NETO1: variants seen among roughly 807,000 people sequenced by gnomAD.
NETO1 encodes the protein neuropilin and tolloid-like protein 1.
NETO1 carries 26 observed loss-of-function variants against 61.3 expected under a neutral mutation model. The ratio of observed to expected loss-of-function variants is 0.42; its 90% confidence interval spans 0.31 to 0.59. The LOEUF (loss-of-function observed/expected upper bound fraction) is 0.59, where lower values mean the gene tolerates loss of function less well. NETO1 is among the 20% of genes least tolerant of loss of function. The pLI is 0.12. For missense variants in NETO1, 531 were observed against 662.8 expected, an observed-to-expected ratio of 0.80 and a Z score of 2.18; for synonymous variants, 225 against 225.8, an observed-to-expected ratio of 1.00 and a Z score of 0.03.
intron 7 of NETO1, among the ~76,000 whole-genome samples, chr18:72,777,419 GA>G (rs35895540): frequency 0.32 from 32,669 of 101,474 alleles, 4,835 homozygotes; most frequent in South Asian, 0.48. Context: ...AACTCCATCT[GA>G]AAAAAAAAAA....
At chr18:72,841,229 A>G (rs1221233988) in intron 4 of NETO1, among the ~76,000 whole-genome samples, 1 of 152,158 alleles carries the variant, frequency 6.6e-6, no homozygotes, top group Non-Finnish European at 1.5e-5. Flanking sequence ...CAAAATTTGC[A>G]TTGTGGATCA....
chr18:72,825,467 TATTA>T (rs1381077813), intron 4 of NETO1, among the ~76,000 whole-genome samples: 2 of 152,164 alleles, frequency 1.3e-5, no homozygotes, highest in Non-Finnish European at 2.9e-5. Flanking sequence ...GATCAATTTT[TATTA>T]ATTCTTTTCA....
chr18:72,853,979 G>A (rs1157174700), intron 4 of NETO1, among the ~76,000 whole-genome samples: 3 of 152,168 alleles, frequency 2.0e-5, no homozygotes, highest in Admixed American at 1.3e-4. Flanking sequence ...CTGATCCAAA[G>A]AGGAAAAATA....
At chr18:72,807,795 G>A (rs2072727415) in intron 4 of NETO1, among the ~76,000 whole-genome samples, 1 of 151,490 alleles carries the variant, frequency 6.6e-6, no homozygotes, top group Non-Finnish European at 1.5e-5. Flanking sequence ...ATTTGAATTA[G>A]CTGTCATAGA....
intron 6 of NETO1, among the ~76,000 whole-genome samples, chr18:72,788,896 G>A (rs1419506965): frequency 2.6e-5 from 4 of 152,016 alleles, no homozygotes; most frequent in African/African-American, 9.7e-5. Flanking sequence ...ATGATATACA[G>A]AAAATAGACA....
chr18:72,843,367 C>T (rs751795289), intron 4 of NETO1, among the ~76,000 whole-genome samples: 1 of 152,176 alleles, frequency 6.6e-6, no homozygotes, highest in Non-Finnish European at 1.5e-5. Flanking sequence ...ACTCTTTTCT[C>T]TACCACCCTC....
At chr18:72,824,974 T>G (rs2073329333) in intron 4 of NETO1, among the ~76,000 whole-genome samples, 1 of 152,088 alleles carries the variant, frequency 6.6e-6, no homozygotes, top group Admixed American at 6.6e-5. Context: ...CAAGAAAAGT[T>G]ATTAACTATT....
intron 4 of NETO1, among the ~76,000 whole-genome samples, chr18:72,810,216 T>C (rs1170120262): frequency 6.6e-6 from 1 of 152,206 alleles, no homozygotes; most frequent in Non-Finnish European, 1.5e-5. Context: ...ATTTCTTGTA[T>C]TTGTCTCCTT....
intron 4 of NETO1, among the ~76,000 whole-genome samples, chr18:72,843,243 T>C (rs1289033442): frequency 2.0e-5 from 3 of 152,216 alleles, no homozygotes; most frequent in Admixed American, 1.3e-4. Flanking sequence ...TTTACTGTGC[T>C]ATGGCTTGCA....
intron 4 of NETO1, among the ~76,000 whole-genome samples, chr18:72,857,704 G>A (rs934996991): frequency 1.3e-5 from 2 of 152,038 alleles, no homozygotes; most frequent in African/African-American, 4.8e-5. Flanking sequence ...AAATTAGTTC[G>A]ACTGTAGCAC....
At chr18:72,777,412 T>C (rs1413105764) in intron 7 of NETO1, among the ~76,000 whole-genome samples, 20 of 80,940 alleles carry the variant, frequency 2.5e-4, no homozygotes, top group Admixed American at 4.9e-4. Context: ...AGAGCGAAAC[T>C]CCATCTGAAA....
chr18:72,785,887 C>T (rs1263402100), intron 6 of NETO1, among the ~76,000 whole-genome samples: 1 of 152,160 alleles, frequency 6.6e-6, no homozygotes, highest in Non-Finnish European at 1.5e-5. Context: ...TTCACTGCTC[C>T]CACTCCCCAA....
intron 7 of NETO1, among the ~76,000 whole-genome samples, chr18:72,762,841 TAAGC>T (rs1244308061): frequency 6.6e-6 from 1 of 152,158 alleles, no homozygotes; most frequent in Non-Finnish European, 1.5e-5. Flanking sequence ...ATTCTTTAAA[TAAGC>T]AAATTATGTA....
intron 6 of NETO1, among the ~76,000 whole-genome samples, chr18:72,792,989 G>C (rs1016651692): frequency 2.0e-5 from 3 of 151,954 alleles, no homozygotes; most frequent in Non-Finnish European, 4.4e-5. Context: ...TCCCCTACCT[G>C]GTGTAAGGGG....
intron 4 of NETO1, among the ~76,000 whole-genome samples, chr18:72,801,735 TTATC>T (rs573980233): frequency 1.1e-3 from 167 of 152,346 alleles, no homozygotes; most frequent in Middle Eastern, 6.8e-3. Flanking sequence ...ATCTATTTAC[TTATC>T]TATCTAATTT....
intron 7 of NETO1, among the ~76,000 whole-genome samples, chr18:72,776,565 G>A (rs1037797564): frequency 1.3e-5 from 2 of 152,196 alleles, no homozygotes; most frequent in African/African-American, 4.8e-5. Context: ...ACCATCAGAT[G>A]TGGAGTCTGG....
chr18:72,830,938 A>C lies in NETO1; in HGVS notation c.469+27888T>G, dbSNP rs564557384. Among the ~76,000 whole-genome samples the C allele has an allele frequency of 8.5e-5, 13 of 152,250 alleles. No individual in the cohort carries two copies. In the South Asian group the frequency reaches 2.7e-3, roughly 32 times the overall value. On this transcript the variant is annotated intron_variant, in intron 4 of 10. Transcript: ENST00000327305. The surrounding 1 kb of genome is among the most constrained non-coding windows in gnomAD (Gnocchi z 4.9). Reference sequence around the variant, plus strand: ...AAAACTGTACTTGATAGGGTTGTCAATTATGCCTTCTGACTGCAAAATCTT... The same window carrying C: ...AAAACTGTACTTGATAGGGTTGTCACTTATGCCTTCTGACTGCAAAATCTT...
In NETO1 at chr18:72,789,946, T is replaced by C. The variant is rs531206552; in HGVS notation, c.639+4171A>G. Among the ~76,000 whole-genome samples the C allele has an allele frequency of 6.6e-5, 10 of 152,292 alleles. 1 individual carries two copies. Among genetic ancestry groups the C allele is most frequent in the African/African-American group, 2.2e-4 (9 of 41,572 alleles). On this transcript the variant is annotated intron_variant, in intron 6 of 10. Transcript: ENST00000327305. ...TTTATCATATTCACAATCCCAGCAA[T>C]TGGGGCTGGAAATCTGTGTTCATTA...
At chr18:72,836,567 T>C (rs2073755787) in intron 4 of NETO1, among the ~76,000 whole-genome samples, 1 of 152,188 alleles carries the variant, frequency 6.6e-6, no homozygotes, top group Non-Finnish European at 1.5e-5. Context: ...TTAATAAATG[T>C]ATAAATAAAT....
Sources: allele counts gnomAD v4.1 joint callset (sites outside exome capture counted in the v4.1 genomes callset), GRCh38; gene constraint gnomAD v4.1.1; non-coding constraint Gnocchi (gnomAD v3.1); transcripts MANE v1.5; gene names NCBI Gene and HGNC (gene_info 2026-07-23, HGNC 2026-07-21).